Variants in UPP2 observed in about 807,000 individuals in gnomAD.
UPP2 encodes uridine phosphorylase 2, also known as UPase 2.
A neutral mutation model predicts 26.7 loss-of-function variants in UPP2; 23 were observed. The ratio of observed to expected loss-of-function variants is 0.86; its 90% CI spans 0.62 to 1.22. The LOEUF (loss-of-function observed/expected upper bound fraction) is 1.22. Among genes scored for constraint, UPP2 ranks in the 50% most tolerant of loss-of-function variants. The pLI, the probability that UPP2 is intolerant of heterozygous loss-of-function variation, is 0.00. For missense variants in UPP2, 387 were observed against 396.7 expected (o/e 0.98, Z 0.21); for synonymous variants, 127 against 141.3 (o/e 0.90, Z 0.72).
At chr2:158,095,898 A>C (rs1199185715) in intron 3 of UPP2, among the ~76,000 whole-genome samples, 3 of 152,150 alleles carry the variant, frequency 2.0e-5, no homozygotes, top group Non-Finnish European at 4.4e-5. Context: ...TATTGATTTA[A>C]AATATGCTTT....
chr2:158,084,953 C>T (rs1682789673), intron 3 of UPP2, among the ~76,000 whole-genome samples: 1 of 152,028 alleles, frequency 6.6e-6, no homozygotes, highest in African/African-American at 2.4e-5. Flanking sequence ...GTTCTTTTTG[C>T]TTAGTCTTGC....
chr2:158,112,858 A>C (rs1425932149), intron 2 of UPP2, among the ~76,000 whole-genome samples: 1 of 152,214 alleles, frequency 6.6e-6, no homozygotes, highest in African/African-American at 2.4e-5. Flanking sequence ...GGCAATCATT[A>C]GGCAAAATCC....
intron 3 of UPP2, among the ~76,000 whole-genome samples, chr2:158,037,721 T>C (rs1471248926): frequency 6.6e-6 from 1 of 151,920 alleles, no homozygotes; most frequent in African/African-American, 2.4e-5. Context: ...ACCAGTCACA[T>C]AGCATAAAGG....
intron 2 of UPP2, among the ~76,000 whole-genome samples, chr2:158,010,019 C>T (rs1683551667): frequency 6.6e-6 from 1 of 152,128 alleles, no homozygotes; most frequent in South Asian, 2.1e-4. Flanking sequence ...TGGAAGACAC[C>T]AGGAAACGAG....
chr2:158,073,877 G>C (rs1254272378), intron 3 of UPP2, among the ~76,000 whole-genome samples: 7 of 152,154 alleles, frequency 4.6e-5, no homozygotes, highest in African/African-American at 1.7e-4. Flanking sequence ...CAACAAACAA[G>C]AAGAAATCCT....
intron 2 of UPP2, among the ~76,000 whole-genome samples, chr2:157,997,730 TTTCTGAG>T (rs1683343527): frequency 6.6e-6 from 1 of 152,176 alleles, no homozygotes; most frequent in African/African-American, 2.4e-5. Flanking sequence ...AGCCCAGCCA[TTTCTGAG>T]AGATTGGGTG....
chr2:158,012,263 CTTT>C (rs34807293), intron 2 of UPP2, among the ~76,000 whole-genome samples: 1,467 of 81,612 alleles, frequency 0.018, 18 homozygotes, highest in African/African-American at 0.057. Flanking sequence ...TTGTTTCTAC[CTTT>C]TTTTTTTTTT....
intron 3 of UPP2, among the ~76,000 whole-genome samples, chr2:158,038,770 T>C (rs1684041123): frequency 6.6e-6 from 1 of 152,192 alleles, no homozygotes; most frequent in Non-Finnish European, 1.5e-5. Flanking sequence ...GCATTAGAAC[T>C]CTATTGAGGG....
At chr2:158,091,250 A>G (rs2105202544) in intron 3 of UPP2, among the ~76,000 whole-genome samples, 1 of 152,328 alleles carries the variant, frequency 6.6e-6, no homozygotes, top group Non-Finnish European at 1.5e-5. Context: ...TTCCCATGGT[A>G]AAATAGATAT....
intron 3 of UPP2, among the ~76,000 whole-genome samples, chr2:158,026,817 C>T (rs1404568660): frequency 6.6e-6 from 1 of 152,192 alleles, no homozygotes; most frequent in Non-Finnish European, 1.5e-5. Flanking sequence ...TACATTTCCA[C>T]ATGGCCGGAG....
intron 3 of UPP2, among the ~76,000 whole-genome samples, chr2:158,081,887 A>AT (rs1291369899): frequency 2.0e-5 from 3 of 151,882 alleles, no homozygotes; most frequent in African/African-American, 4.8e-5. Flanking sequence ...AAGATCTAGT[A>AT]TTTTTTATAT....
chr2:158,134,723 T>C (rs1256943261), intron 6 of UPP2, 25 bp from the exon 7 acceptor site: 3 of 1,577,766 alleles, frequency 1.9e-6, no homozygotes, highest in Admixed American at 1.8e-5. Flanking sequence ...ATTCATTCCA[T>C]CAGTTGTGCT....
intron 2 of UPP2, among the ~76,000 whole-genome samples, chr2:158,005,595 T>C (rs1182108736): frequency 6.6e-6 from 1 of 152,202 alleles, no homozygotes; most frequent in African/African-American, 2.4e-5. Context: ...TTGTTGATGG[T>C]TTCAGTGGAA....
At chr2:158,084,846 G>A (rs570959454) in intron 3 of UPP2, among the ~76,000 whole-genome samples, 1 of 152,190 alleles carries the variant, frequency 6.6e-6, no homozygotes, top group African/African-American at 2.4e-5. Context: ...CTATTCCATT[G>A]GTCTGTATGC....
chr2:158,077,229 A>G (rs1488218947), intron 3 of UPP2, among the ~76,000 whole-genome samples: 2 of 151,362 alleles, frequency 1.3e-5, no homozygotes, highest in Admixed American at 6.6e-5. Flanking sequence ...AAATGTCCAT[A>G]CTATCTAAAG....
chr2:158,134,272 CT>C, intron 6 of UPP2, among the ~76,000 whole-genome samples: 1 of 152,278 alleles, frequency 6.6e-6, no homozygotes, highest in South Asian at 2.1e-4. Context: ...TCTGTATTTA[CT>C]TTTTTCTTCA....
At chr2:158,090,374 A>G (rs1044698446) in intron 3 of UPP2, among the ~76,000 whole-genome samples, 2 of 152,200 alleles carry the variant, frequency 1.3e-5, no homozygotes, top group South Asian at 2.1e-4. Context: ...GGTGGTGGGC[A>G]CCTGTAGTCG....
At chr2:158,106,901 A>C (rs1336893398) in intron 2 of UPP2, among the ~76,000 whole-genome samples, 2 of 152,242 alleles carry the variant, frequency 1.3e-5, no homozygotes, top group Non-Finnish European at 2.9e-5. Context: ...ATTTTTAATG[A>C]ATAGACTTTA....
chr2:158,133,541 T>G (rs1468251541), intron 6 of UPP2, among the ~76,000 whole-genome samples: 1 of 152,170 alleles, frequency 6.6e-6, no homozygotes, highest in Non-Finnish European at 1.5e-5. Flanking sequence ...AATGCAAGTA[T>G]AAGAGATGAT....
Sources: gnomAD v4.1 joint callset for allele counts (sites outside exome capture counted in the v4.1 genomes callset) on GRCh38, gnomAD v4.1.1 for gene constraint, MANE v1.5 for transcripts, NCBI Gene and HGNC (gene_info 2026-07-23, HGNC 2026-07-21) for gene names.